The following MAML3 variants were observed in gnomAD, a reference collection of about 807,000 sequenced individuals.
The protein encoded by MAML3 is mastermind-like protein 3.
In MAML3, 27 loss-of-function variants were observed where a neutral mutation model predicts 101.9. That is an observed-to-expected ratio of 0.27 (90% CI 0.20 to 0.37). The LOEUF (loss-of-function observed/expected upper bound fraction) is 0.37, where lower values mean the gene tolerates loss of function less well. Among genes scored for constraint, MAML3 ranks in the 10% least tolerant of loss-of-function variants. The pLI is 1.00. For synonymous variants in MAML3, 501 were observed against 555.9 expected, an observed-to-expected ratio of 0.90 and a Z score of 1.39; for missense variants, 1,316 against 1,444.9, an observed-to-expected ratio of 0.91 and a Z score of 1.45.
chr4:139,982,786 T>C (rs1397322963), intron 1 of MAML3, among the ~76,000 whole-genome samples: 1 of 152,194 alleles, frequency 6.6e-6, no homozygotes, highest in Non-Finnish European at 1.5e-5. Context: ...CCTACTCTCC[T>C]AGCTTCACTG....
chr4:139,907,008 C>A (rs1732834095), intron 1 of MAML3, among the ~76,000 whole-genome samples: 1 of 152,132 alleles, frequency 6.6e-6, no homozygotes, highest in Non-Finnish European at 1.5e-5. Flanking sequence ...TCAAAAAGAG[C>A]TGAACAGAAA....
intron 1 of MAML3, among the ~76,000 whole-genome samples, chr4:140,048,776 T>C (rs1184033488): frequency 1.3e-5 from 2 of 152,184 alleles, no homozygotes; most frequent in African/African-American, 4.8e-5. Context: ...TAAAATCCCC[T>C]TTATAAATAT....
chr4:140,025,400 T>C (rs559765222), intron 1 of MAML3, among the ~76,000 whole-genome samples: 53 of 152,156 alleles, frequency 3.5e-4, no homozygotes, highest in Non-Finnish European at 5.9e-4. Context: ...TGAGTAATGG[T>C]ATATGAAGGG....
At chr4:139,908,708 C>T (rs1292145905) in intron 1 of MAML3, among the ~76,000 whole-genome samples, 11 of 152,212 alleles carry the variant, frequency 7.2e-5, no homozygotes, top group Non-Finnish European at 1.0e-4. Flanking sequence ...ATTCAGGCAG[C>T]TGTTTGCCCA....
At chr4:139,895,279 T>C (rs1732586925) in intron 1 of MAML3, among the ~76,000 whole-genome samples, 1 of 152,244 alleles carries the variant, frequency 6.6e-6, no homozygotes, top group African/African-American at 2.4e-5. Flanking sequence ...ATTGTCTGGT[T>C]CTTAAGAAAT....
chr4:140,120,135 G>A (rs1349070977), intron 1 of MAML3, among the ~76,000 whole-genome samples: 32 of 150,924 alleles, frequency 2.1e-4, no homozygotes, highest in Non-Finnish European at 2.2e-4. Flanking sequence ...TACTCGGGAG[G>A]CTGAGGCAGG....
intron 1 of MAML3, among the ~76,000 whole-genome samples, chr4:139,953,160 C>T (rs1733859974): frequency 6.6e-6 from 1 of 152,164 alleles, no homozygotes; most frequent in South Asian, 2.1e-4. Flanking sequence ...CTTCTATATG[C>T]TTGAGACGTC....
At chr4:139,893,977 A>G (rs1174440567) in intron 1 of MAML3, among the ~76,000 whole-genome samples, 1 of 152,012 alleles carries the variant, frequency 6.6e-6, no homozygotes, top group Non-Finnish European at 1.5e-5. Context: ...GGTAGGAGAG[A>G]AAAGGCTTAG....
chr4:140,016,755 A>T (rs547057277), intron 1 of MAML3, among the ~76,000 whole-genome samples: 1 of 152,352 alleles, frequency 6.6e-6, no homozygotes, highest in African/African-American at 2.4e-5. Context: ...ATAAAACAAA[A>T]CCAAACCAAA....
intron 1 of MAML3, among the ~76,000 whole-genome samples, chr4:140,068,681 A>T (rs1727579862): frequency 6.6e-6 from 1 of 152,248 alleles, no homozygotes; most frequent in Non-Finnish European, 1.5e-5. Context: ...TAAAACAATA[A>T]CAAATAATAT....
At chr4:140,131,503 G>A (rs559377506) in intron 1 of MAML3, among the ~76,000 whole-genome samples, 11 of 152,210 alleles carry the variant, frequency 7.2e-5, no homozygotes, top group African/African-American at 2.4e-4. Context: ...GCTTTAGAAG[G>A]TAACAAGCCA....
At chr4:139,895,893 C>T (rs1732596041) in intron 1 of MAML3, among the ~76,000 whole-genome samples, 1 of 152,214 alleles carries the variant, frequency 6.6e-6, no homozygotes, top group Non-Finnish European at 1.5e-5. Context: ...AAGTTCTCCA[C>T]TGCATGCCCC....
intron 1 of MAML3, among the ~76,000 whole-genome samples, chr4:139,988,485 G>C (rs574586784): frequency 2.9e-4 from 44 of 152,178 alleles, no homozygotes; most frequent in African/African-American, 1.0e-3. Context: ...TTTTTGCTGG[G>C]TTTTAACAGT....
At chr4:139,908,190 G>C (rs183773998) in intron 1 of MAML3, among the ~76,000 whole-genome samples, 2 of 152,336 alleles carry the variant, frequency 1.3e-5, no homozygotes, top group Non-Finnish European at 2.9e-5. Context: ...CTTGTGTATA[G>C]TTGGAAGATG....
At chr4:139,977,884 A>C (rs1734374342) in intron 1 of MAML3, among the ~76,000 whole-genome samples, 1 of 149,860 alleles carries the variant, frequency 6.7e-6, no homozygotes. Flanking sequence ...AAAAAACAAA[A>C]AACAAAAAAC....
intron 2 of MAML3, among the ~76,000 whole-genome samples, chr4:139,873,098 A>T (rs1732046999): frequency 6.6e-6 from 1 of 152,076 alleles, no homozygotes. Context: ...TAAATAAATA[A>T]ATAAATAAAT....
At chr4:140,116,614 A>G (rs1418956755) in intron 1 of MAML3, among the ~76,000 whole-genome samples, 2 of 152,364 alleles carry the variant, frequency 1.3e-5, no homozygotes, top group East Asian at 3.9e-4. Flanking sequence ...CTGCTTCAAA[A>G]GTTGCCATTC....
chr4:139,725,971 G>C (rs1389179116), intron 3 of MAML3, 136 bp from the exon 4 acceptor site: 1 of 695,202 alleles, frequency 1.4e-6, no homozygotes, highest in Non-Finnish European at 2.5e-6. Flanking sequence ...ATGCATACAG[G>C]CAAGTGCACA....
chr4:139,885,468 A>T (rs1181154154), intron 2 of MAML3, among the ~76,000 whole-genome samples: 3 of 152,146 alleles, frequency 2.0e-5, no homozygotes, highest in African/African-American at 7.2e-5. Flanking sequence ...TGACTTGATC[A>T]TTACATATTC....
Sources: gnomAD v4.1 joint callset for allele counts (sites outside exome capture counted in the v4.1 genomes callset) on GRCh38, gnomAD v4.1.1 for gene constraint, MANE v1.5 for transcripts, NCBI Gene and HGNC (gene_info 2026-07-23, HGNC 2026-07-21) for gene names.